Variants in TSHZ3 observed in about 807,000 individuals in gnomAD.
TSHZ3 encodes teashirt zinc finger homeobox 3.
Under a neutral mutation model 64.5 loss-of-function variants are expected in TSHZ3, and 10 were observed. The observed-to-expected ratio is 0.16, with a 90% CI of 0.10 to 0.26. The LOEUF (loss-of-function observed/expected upper bound fraction) is 0.26, where lower values mean the gene tolerates loss of function less well. Ranked by LOEUF, TSHZ3 falls within the 10% of genes least tolerant of loss-of-function variation. The probability of loss-of-function intolerance (pLI) is 1.00; values close to 1 mark genes in which losing one functional copy is unlikely to be tolerated. For missense variants in TSHZ3, 1,242 were observed against 1,421.7 expected (o/e 0.87, Z 2.03); for synonymous variants, 608 against 593.1 (o/e 1.03, Z -0.36).
rs758834844 is a variant in TSHZ3 at position 31,211,256 on chromosome 19, G to T, written n.687-6178C>A. ...GGTTTCCCCCTATCTTTACAAAATC[G>T]ATCTCAGATTCATTCAACATGCATT... On this transcript the variant is annotated intron_variant and non_coding_transcript_variant, in intron 4 of 6. Transcript: ENST00000651361. Among the ~76,000 whole-genome samples, 3 of 152,206 alleles carry T rather than the reference G, an allele frequency of 2.0e-5. No homozygotes were observed. In the East Asian group the frequency reaches 5.8e-4, roughly 29 times the overall value.
Position 31,265,387 on chromosome 19 carries a change from A to G in TSHZ3, n.64-22512T>C, listed in dbSNP as rs866095656. On this transcript the variant is annotated intron_variant and non_coding_transcript_variant, in intron 1 of 6. Coordinates refer to the TSHZ3 transcript ENST00000651361. ...ACTCCAGCCTGGGCAATAAGAACAA[A>G]ACTCTGTCTCAAAAAAAAAAAAAAA... is the stretch of plus-strand genomic sequence containing the variant. 4.1e-4 allele frequency among the ~76,000 whole-genome samples: 52 copies of G among 127,228 alleles called. 2 individuals are homozygous for G. Among genetic ancestry groups the G allele is most frequent in the Middle Eastern group, 9.1e-3 (2 of 220 alleles). The allele number at this position is 127,228 out of a possible 152,430, so 83.5% of individuals were successfully genotyped here. A position where few individuals can be genotyped will look rare whatever the true frequency, so the allele number is the denominator to read the frequency against.
At chr19:31,253,482 C>A (rs1487904180) in intron 1 of TSHZ3, among the ~76,000 whole-genome samples, 1 of 152,068 alleles carries the variant, frequency 6.6e-6, no homozygotes, top group Non-Finnish European at 1.5e-5. Flanking sequence ...AGCTGAAGGG[C>A]CTGAGAAAAC....
chr19:31,168,486 C>A (rs1290899382), intron 5 of TSHZ3, among the ~76,000 whole-genome samples: 1 of 152,200 alleles, frequency 6.6e-6, no homozygotes, highest in Non-Finnish European at 1.5e-5. Context: ...CATTACTGAA[C>A]AACTGGAGCC....
chr19:31,323,320 A>G (rs576926220), intron 1 of TSHZ3, among the ~76,000 whole-genome samples: 17 of 152,252 alleles, frequency 1.1e-4, no homozygotes, highest in Admixed American at 6.5e-4. Context: ...GGCATTCAGC[A>G]CTCTTTACTA....
chr19:31,319,736 C>T (rs1177757955), intron 1 of TSHZ3, among the ~76,000 whole-genome samples: 1 of 152,140 alleles, frequency 6.6e-6, no homozygotes, highest in Non-Finnish European at 1.5e-5. Flanking sequence ...AACAGTGTAA[C>T]ACCTTTTGTC....
intron 1 of TSHZ3, among the ~76,000 whole-genome samples, chr19:31,338,495 T>C (rs896916523): frequency 6.6e-6 from 1 of 152,100 alleles, no homozygotes; most frequent in Non-Finnish European, 1.5e-5. Flanking sequence ...ATTCTCACAC[T>C]ACTAACCAAG....
intron 1 of TSHZ3, among the ~76,000 whole-genome samples, chr19:31,324,269 A>T (rs1916868104): frequency 6.6e-6 from 1 of 152,126 alleles, no homozygotes; most frequent in South Asian, 2.1e-4. Flanking sequence ...TCCAGTCTGA[A>T]TTTTCATTTT....
intron 1 of TSHZ3, among the ~76,000 whole-genome samples, chr19:31,294,525 AC>A (rs1334099845): frequency 1.3e-5 from 2 of 152,218 alleles, no homozygotes; most frequent in African/African-American, 4.8e-5. Flanking sequence ...GCATGTGAAC[AC>A]TGTTTGGATG....
intron 1 of TSHZ3, among the ~76,000 whole-genome samples, chr19:31,267,530 G>T (rs1487551453): frequency 6.6e-6 from 1 of 151,970 alleles, no homozygotes; most frequent in Non-Finnish European, 1.5e-5. Context: ...CATCTCCTCA[G>T]CATCTCCTTC....
intron 1 of TSHZ3, among the ~76,000 whole-genome samples, chr19:31,287,817 G>T (rs1976490414): frequency 6.6e-6 from 1 of 152,198 alleles, no homozygotes; most frequent in Non-Finnish European, 1.5e-5. Context: ...TGGCCACCAA[G>T]GTAAAAGAGG....
intron 5 of TSHZ3, among the ~76,000 whole-genome samples, chr19:31,177,960 T>G (rs1168215153): frequency 6.6e-6 from 1 of 152,164 alleles, no homozygotes; most frequent in East Asian, 1.9e-4. Flanking sequence ...CCTCATCTAC[T>G]TTTGTAATCA....
chr19:31,310,278 C>T (rs992636659), intron 1 of TSHZ3, among the ~76,000 whole-genome samples: 2 of 152,084 alleles, frequency 1.3e-5, no homozygotes, highest in African/African-American at 2.4e-5. Context: ...GATGAAGAGT[C>T]GAGTGACCCA....
chr19:31,261,742 G>A (rs1385218043), intron 1 of TSHZ3, among the ~76,000 whole-genome samples: 2 of 152,180 alleles, frequency 1.3e-5, no homozygotes, highest in African/African-American at 4.8e-5. Context: ...GAAACCGGGG[G>A]AGAGGTCTGA....
chr19:31,189,534 T>C (rs562388201), intron 5 of TSHZ3, among the ~76,000 whole-genome samples: 10 of 152,172 alleles, frequency 6.6e-5, no homozygotes, highest in Admixed American at 3.9e-4. Flanking sequence ...TTCCCAGATA[T>C]ATGAGGATTT....
intron 6 of TSHZ3, among the ~76,000 whole-genome samples, chr19:31,153,526 GAACA>G (rs922629755): frequency 2.6e-5 from 4 of 152,324 alleles, no homozygotes; most frequent in South Asian, 4.2e-4. Context: ...ATAGTTTGTT[GAACA>G]GACATGTTCT....
upstream of TSHZ3, among the ~76,000 whole-genome samples, chr19:31,349,881 C>T (rs2021656380): frequency 1.4e-5 from 2 of 146,308 alleles, 1 homozygote; most frequent in Admixed American, 1.3e-4. Context: ...TCGTGTCAAT[C>T]GCCCGCCCGC....
intron 1 of TSHZ3, among the ~76,000 whole-genome samples, chr19:31,307,131 T>C (rs1465802294): frequency 2.0e-5 from 3 of 152,172 alleles, no homozygotes; most frequent in East Asian, 3.9e-4. Context: ...ATAACTCAAG[T>C]GCTTGAGGAA....
chr19:31,200,787 A>C (rs2145149339), intron 5 of TSHZ3, among the ~76,000 whole-genome samples: 1 of 152,166 alleles, frequency 6.6e-6, no homozygotes, highest in Non-Finnish European at 1.5e-5. Flanking sequence ...GCACCACCAC[A>C]GTGTGGGCTG....
At chr19:31,321,120 T>C (rs372803753) in intron 1 of TSHZ3, among the ~76,000 whole-genome samples, 2 of 152,264 alleles carry the variant, frequency 1.3e-5, no homozygotes, top group African/African-American at 2.4e-5. Flanking sequence ...AGTGATACCA[T>C]GCAAGCAAAA....
Sources: allele counts gnomAD v4.1 joint callset (sites outside exome capture counted in the v4.1 genomes callset), GRCh38; gene constraint gnomAD v4.1.1; transcripts MANE v1.5; gene names NCBI Gene and HGNC (gene_info 2026-07-23, HGNC 2026-07-21).